The following ZNF570 variants were observed in gnomAD, a reference collection of about 807,000 sequenced individuals.
The protein encoded by ZNF570 is zinc finger protein 570.
Under a neutral mutation model 14.2 loss-of-function variants are expected in ZNF570, and 8 were observed. The ratio of observed to expected loss-of-function variants is 0.56; its 90% CI spans 0.33 to 1.02. The LOEUF (loss-of-function observed/expected upper bound fraction) is 1.02. ZNF570 is among the 50% of genes least tolerant of loss of function. ZNF570 has a pLI of 0.03. For synonymous variants in ZNF570, 202 were observed against 207.6 expected, an observed-to-expected ratio of 0.97 and a Z score of 0.23; for missense variants, 559 against 624.9, an observed-to-expected ratio of 0.89 and a Z score of 1.12.
upstream of ZNF570, chr19:37,468,999 C>T (rs1020087717): frequency 2.1e-6 from 2 of 961,322 alleles, no homozygotes; most frequent in African/African-American, 3.5e-5. Context: ...TGCGGCCAAC[C>T]TGCGATTCTC....
Position 37,487,769 on chromosome 19 carries a change from G to A in ZNF570, c.*2536G>A, listed in dbSNP as rs147255826. On this transcript the variant is annotated 3_prime_UTR_variant, in exon 5 of 5. Coordinates refer to ENST00000330173, the MANE Select transcript of ZNF570 (RefSeq NM_144694.5). ...ACAGGTTTGTTCTGAAATTTATGAG[G>A]TATAAATTCTTAAGAGCAGCAAGAA... 1 of 151,958 alleles carries A rather than the reference G, an allele frequency of 6.6e-6. No individual in the cohort carries two copies. Among genetic ancestry groups the A allele is most frequent in the East Asian group, 1.9e-4 (1 of 5,188 alleles). The allele number at this position is 151,958 out of a possible 1,614,324, so 9.4% of individuals were successfully genotyped here.
rs1029415304 is a variant in ZNF570, at chr19:37,469,544, C to T, written c.-65C>T. ...TCGTCGCAGGCCATCTGTGTGACTC[C>T]GGTGCGAGTGGAGGTTGGTACCGTT... On this transcript the variant is annotated 5_prime_UTR_variant, in exon 1 of 5. Coordinates refer to ENST00000330173, the MANE Select transcript of ZNF570 (RefSeq NM_144694.5). 3 of 1,536,274 alleles carry T rather than the reference C, an allele frequency of 2.0e-6. No homozygotes were observed. The highest frequency in any genetic ancestry group is 2.0e-5 in the Admixed American group (1 of 50,972).
At chr19:37,468,376 G>A (rs1398323097), upstream of ZNF570, among the ~76,000 whole-genome samples, 1 of 152,090 alleles carries the variant, frequency 6.6e-6, no homozygotes, top group African/African-American at 2.4e-5. Context: ...GGCATGAGCC[G>A]CACGGGGCCG....
intron 2 of ZNF570, 75 bp from the exon 3 acceptor site, chr19:37,475,806 G>A: frequency 2.1e-6 from 3 of 1,426,018 alleles, no homozygotes; most frequent in South Asian, 2.9e-5. Context: ...ATCAGAGAGA[G>A]CCCAGTGTGC....
intron 4 of ZNF570, among the ~76,000 whole-genome samples, chr19:37,478,545 C>T (rs2042052356): frequency 7.0e-6 from 1 of 142,110 alleles, no homozygotes; most frequent in Non-Finnish European, 1.6e-5. Flanking sequence ...ATTTATTTTT[C>T]TGTTGCCTTT....
In ZNF570 at chr19:37,470,291, T is replaced by C. The variant is rs553333947; in HGVS notation, c.-51-13T>C. 4 of 1,613,180 alleles carry C rather than the reference T, an allele frequency of 2.5e-6. No individual in the cohort carries two copies. In the South Asian group the frequency reaches 4.4e-5, roughly 18 times the overall value. ...GAAAAGTCTAGTTTCTCATGTTCTTTTCCCCATCTCAGTCATCTGAGGCCA... is the reference window on the plus strand; with the variant it reads ...GAAAAGTCTAGTTTCTCATGTTCTTCTCCCCATCTCAGTCATCTGAGGCCA... On this transcript the variant is annotated splice_polypyrimidine_tract_variant and intron_variant, in intron 1 of 4. Coordinates refer to ENST00000330173, the MANE Select transcript of ZNF570 (RefSeq NM_144694.5).
At chr19:37,474,252 T>C (rs2041999631) in intron 2 of ZNF570, among the ~76,000 whole-genome samples, 2 of 152,214 alleles carry the variant, frequency 1.3e-5, no homozygotes, top group Non-Finnish European at 2.9e-5. Flanking sequence ...TTTTGTTGAC[T>C]ATCAAGAATC....
At chr19:37,469,948 A>G (rs1406190827) in intron 1 of ZNF570, among the ~76,000 whole-genome samples, 2 of 152,192 alleles carry the variant, frequency 1.3e-5, no homozygotes, top group Non-Finnish European at 2.9e-5. Flanking sequence ...AGTCATATCA[A>G]TGTGCCACCA....
chr19:37,480,912 G>A (rs2042080097), intron 4 of ZNF570, among the ~76,000 whole-genome samples: 1 of 151,410 alleles, frequency 6.6e-6, no homozygotes, highest in East Asian at 1.9e-4. Flanking sequence ...ACGTGCCACT[G>A]CACTACCGCC....
chr19:37,479,294 T>C (rs186672811), intron 4 of ZNF570, among the ~76,000 whole-genome samples: 1 of 152,238 alleles, frequency 6.6e-6, no homozygotes, highest in East Asian at 1.9e-4. Flanking sequence ...GTGAATTATT[T>C]AGAAGTTTGA....
chr19:37,473,627 C>T (rs943130498), intron 2 of ZNF570, among the ~76,000 whole-genome samples: 3 of 151,990 alleles, frequency 2.0e-5, no homozygotes, highest in African/African-American at 7.3e-5. Context: ...TTGGTACTGA[C>T]TGGTACTGAC....
chr19:37,479,182 T>C (rs1196666343), intron 4 of ZNF570, among the ~76,000 whole-genome samples: 1 of 142,018 alleles, frequency 7.0e-6, no homozygotes, highest in Non-Finnish European at 1.6e-5. Flanking sequence ...TAGAGGCAAT[T>C]AGGGTATTTT....
intron 2 of ZNF570, among the ~76,000 whole-genome samples, chr19:37,473,481 A>G (rs1349000400): frequency 6.6e-6 from 1 of 152,154 alleles, no homozygotes; most frequent in East Asian, 1.9e-4. Context: ...AAAAAGTGGT[A>G]AGATCAGTGA....
At chr19:37,473,724 G>A (rs1314660630) in intron 2 of ZNF570, among the ~76,000 whole-genome samples, 1 of 152,170 alleles carries the variant, frequency 6.6e-6, no homozygotes, top group Non-Finnish European at 1.5e-5. Flanking sequence ...AGAGAACTAA[G>A]AGGCGAGGTT....
chr19:37,468,718 G>A (rs192549552), upstream of ZNF570, among the ~76,000 whole-genome samples: 4 of 152,278 alleles, frequency 2.6e-5, no homozygotes, highest in South Asian at 4.1e-4. Flanking sequence ...ATGTTGGTCA[G>A]GCTGGTCTCG....
rs1337788348 is a variant in ZNF570 at position 37,488,544 on chromosome 19, T to A, written c.*3311T>A. On this transcript the variant is annotated 3_prime_UTR_variant, in exon 5 of 5. Transcript: ENST00000330173. ...AATAAGCAAATACTGTATAGCCAAT[T>A]CTTAAAATTTGATAAAGCTGGCTGT... is the stretch of plus-strand genomic sequence containing the variant. 1 of 152,194 alleles carries A rather than the reference T, an allele frequency of 6.6e-6. No individual in the cohort carries two copies. Among genetic ancestry groups the A allele is most frequent in the Non-Finnish European group, 1.5e-5 (1 of 68,018 alleles). The allele number at this position is 152,194 out of a possible 1,614,324, so 9.4% of individuals were successfully genotyped here. A position where few individuals can be genotyped will look rare whatever the true frequency, so the allele number is the denominator to read the frequency against.
At chr19:37,479,530 C>A (rs982705757) in intron 4 of ZNF570, among the ~76,000 whole-genome samples, 3 of 151,996 alleles carry the variant, frequency 2.0e-5, no homozygotes, top group Non-Finnish European at 4.4e-5. Context: ...CTGGTCAAAT[C>A]TTCTGTGTCC....
chr19:37,473,609 T>G (rs2041993184), intron 2 of ZNF570, among the ~76,000 whole-genome samples: 1 of 152,004 alleles, frequency 6.6e-6, no homozygotes, highest in Non-Finnish European at 1.5e-5. Flanking sequence ...ATTGAGGTTA[T>G]GAAGGGTTTG....
chr19:37,469,134 G>C, upstream of ZNF570: 1 of 1,109,032 alleles, frequency 9.0e-7, no homozygotes, highest in Non-Finnish European at 1.1e-6. Context: ...GAGCTGCAGG[G>C]AATCCGGACT....
Sources: allele counts gnomAD v4.1 joint callset (sites outside exome capture counted in the v4.1 genomes callset), GRCh38; gene constraint gnomAD v4.1.1; transcripts MANE v1.5; gene names NCBI Gene and HGNC (gene_info 2026-07-23, HGNC 2026-07-21).